AGO4: variants seen among roughly 807,000 people sequenced by gnomAD.
AGO4 encodes protein argonaute-4.
AGO4 carries 33 observed loss-of-function variants against 104.7 expected under a neutral mutation model. That is an observed-to-expected ratio of 0.32 (90% CI 0.24 to 0.42). The LOEUF is 0.42. AGO4 is among the 10% of genes least tolerant of loss of function. AGO4 has a pLI of 1.00. For synonymous variants in AGO4, 331 were observed against 364.7 expected (o/e 0.91, Z 1.05); for missense variants, 711 against 1,083.4 (o/e 0.66, Z 4.83).
At chr1:35,819,780 A>G (rs1643848490) in intron 2 of AGO4, among the ~76,000 whole-genome samples, 1 of 150,442 alleles carries the variant, frequency 6.6e-6, no homozygotes, top group Non-Finnish European at 1.5e-5. Flanking sequence ...CCCAGGTGAC[A>G]GAGTGAGACT....
chr1:35,843,389 GA>G (rs1237533781), intron 15 of AGO4, among the ~76,000 whole-genome samples: 1 of 151,960 alleles, frequency 6.6e-6, no homozygotes, highest in Non-Finnish European at 1.5e-5. Context: ...TTTGTTTTCT[GA>G]ATCAAGGTTG....
chr1:35,808,431 A>G lies in AGO4; in HGVS notation c.15A>G (p.Gly5=). Residue 5 remains glycine (G), a synonymous_variant, in exon 1 of 18, where the codon GGA becomes GGG. Transcript: ENST00000373210. This position sits in a 1 kb window ranked among gnomAD's most constrained non-coding sequence, Gnocchi z 5.2. ...CCGCCGCCGCCATGGAGGCGCTGGGACCCGGTGAGGAGCGAGCTCGGGTCG... is the reference window on the plus strand; with the variant it reads ...CCGCCGCCGCCATGGAGGCGCTGGGGCCCGGTGAGGAGCGAGCTCGGGTCG... MEAL[G]PGPPASLFQP... 2 of 1,165,136 alleles carry G rather than the reference A, an allele frequency of 1.7e-6. No homozygotes were observed. The highest frequency in any genetic ancestry group is 2.1e-6 in the Non-Finnish European group (2 of 946,292). 72.2% of individuals were successfully genotyped at this position (1,165,136 alleles called of 1,614,324 possible). A position where few individuals can be genotyped will look rare whatever the true frequency, so the allele number is the denominator to read the frequency against.
rs1384558776 is a variant in AGO4, at chr1:35,841,791, G to A, written c.2175+41G>A. The A allele has an allele frequency of 6.5e-7, 1 of 1,527,848 alleles. No individual in the cohort carries two copies. Among genetic ancestry groups the A allele is most frequent in the Non-Finnish European group, 8.9e-7 (1 of 1,121,274 alleles). 94.6% of individuals were successfully genotyped at this position (1,527,848 alleles called of 1,614,324 possible). On this transcript the variant is annotated intron_variant, in intron 15 of 17. Transcript: ENST00000373210. The surrounding 1 kb of genome is among the most constrained non-coding windows in gnomAD (Gnocchi z 4.7). Reference sequence around the variant, plus strand: ...ATAAGCTTTGTTATCTGAGGCTCTGGCAAGAGATGTATATATGCACATATA... The same window carrying A: ...ATAAGCTTTGTTATCTGAGGCTCTGACAAGAGATGTATATATGCACATATA...
At chr1:35,846,528 T>C (rs752041082) in intron 15 of AGO4, among the ~76,000 whole-genome samples, 1 of 150,668 alleles carries the variant, frequency 6.6e-6, no homozygotes, top group African/African-American at 2.4e-5. Context: ...ATCCGGGAGG[T>C]GGAGCTTGCA....
At chr1:35,846,348 A>G (rs1644572135) in intron 15 of AGO4, among the ~76,000 whole-genome samples, 2 of 152,112 alleles carry the variant, frequency 1.3e-5, no homozygotes, top group Non-Finnish European at 2.9e-5. Context: ...CTGTAATCCC[A>G]GCACTTTGGG....
At chr1:35,827,193 C>T (rs1215627793) in intron 7 of AGO4, among the ~76,000 whole-genome samples, 1 of 150,252 alleles carries the variant, frequency 6.7e-6, no homozygotes, top group African/African-American at 2.5e-5. Context: ...AGAGCAAGAC[C>T]CTGTCTCAAA....
At chr1:35,812,495 G>C in intron 1 of AGO4, among the ~76,000 whole-genome samples, 1 of 152,290 alleles carries the variant, frequency 6.6e-6, no homozygotes, top group East Asian at 1.9e-4. Context: ...TTGGATTCTA[G>C]TTAGTATTTA....
intron 3 of AGO4, among the ~76,000 whole-genome samples, chr1:35,824,480 T>G (rs1343342717): frequency 6.6e-6 from 1 of 152,084 alleles, no homozygotes; most frequent in Non-Finnish European, 1.5e-5. Flanking sequence ...TTTATTGTTG[T>G]AAAATAATAT....
At chr1:35,852,850 A>C (rs1460626978) in intron 17 of AGO4, among the ~76,000 whole-genome samples, 1 of 152,232 alleles carries the variant, frequency 6.6e-6, no homozygotes, top group Non-Finnish European at 1.5e-5. Context: ...CTGAAGCCTA[A>C]AGAAATTAGC....
intron 15 of AGO4, among the ~76,000 whole-genome samples, chr1:35,843,955 C>G (rs1644508239): frequency 6.6e-6 from 1 of 152,216 alleles, no homozygotes; most frequent in African/African-American, 2.4e-5. Context: ...CTTCAATTCT[C>G]TAAGCATGCC....
At chr1:35,848,264 G>A (rs1441803821) in intron 15 of AGO4, among the ~76,000 whole-genome samples, 1 of 152,158 alleles carries the variant, frequency 6.6e-6, no homozygotes, top group Non-Finnish European at 1.5e-5. Flanking sequence ...ATTTCATAAT[G>A]TGGATGAGCC....
intron 15 of AGO4, among the ~76,000 whole-genome samples, chr1:35,845,216 A>T (rs1644542645): frequency 1.4e-5 from 1 of 70,400 alleles, no homozygotes; most frequent in Non-Finnish European, 2.9e-5. Flanking sequence ...TTTTTTTGAA[A>T]TGGAGTTTCT....
chr1:35,813,901 C>A (rs755435253), intron 1 of AGO4, among the ~76,000 whole-genome samples: 3 of 151,686 alleles, frequency 2.0e-5, no homozygotes, highest in Non-Finnish European at 4.4e-5. Context: ...TAGTGAAACC[C>A]CGTCTCTACT....
intron 7 of AGO4, among the ~76,000 whole-genome samples, chr1:35,828,686 AT>A (rs1370625092): frequency 6.6e-6 from 1 of 151,874 alleles, no homozygotes; most frequent in Non-Finnish European, 1.5e-5. Context: ...TGCCCAGCTA[AT>A]TTTTTGTATT....
In AGO4 at chr1:35,841,202, G is replaced by T. The variant is rs757426926; in HGVS notation, c.1762G>T (p.Ala588Ser). 4.3e-6 allele frequency: 7 copies of T among 1,612,784 alleles called. No homozygotes were observed. In the Admixed American group the frequency reaches 1.2e-4, roughly 27 times the overall value. Residue 588 changes from alanine (A) to serine (S), a missense_variant, in exon 14 of 18, where the codon GCG (alanine) becomes TCG (serine). Physicochemically the swap from Ala to Ser is moderately conservative, Grantham distance 99. Coordinates refer to ENST00000373210, the MANE Select transcript of AGO4 (RefSeq NM_017629.4). The surrounding 1 kb of genome is among the most constrained non-coding windows in gnomAD (Gnocchi z 4.7). ...CCAGCAGCCTGTCATCTTCCTGGGA[G>T]CGGATGTCACACACCCCCCAGCAGG... ...VFQQPVIFLGADVTHPPAGDG... is the reference protein window; with the variant it reads ...VFQQPVIFLGSDVTHPPAGDG...
intron 7 of AGO4, among the ~76,000 whole-genome samples, chr1:35,831,097 C>T (rs1644172920): frequency 1.3e-5 from 2 of 151,854 alleles, no homozygotes; most frequent in South Asian, 4.2e-4. Flanking sequence ...CACAGTGGCT[C>T]ACGCCTGTAA....
intron 12 of AGO4, among the ~76,000 whole-genome samples, chr1:35,834,802 T>C (rs1053131450): frequency 5.9e-5 from 9 of 151,956 alleles, no homozygotes; most frequent in Admixed American, 4.6e-4. Flanking sequence ...CTCAAGTGAT[T>C]CTCCCGTCTC....
chr1:35,838,583 AG>A (rs1644368447), intron 13 of AGO4, among the ~76,000 whole-genome samples: 1 of 152,058 alleles, frequency 6.6e-6, no homozygotes, highest in African/African-American at 2.4e-5. Flanking sequence ...CTCCCTTCAT[AG>A]GTTTTTTTTG....
At chr1:35,809,600 A>G (rs1354213013) in intron 1 of AGO4, among the ~76,000 whole-genome samples, 1 of 152,164 alleles carries the variant, frequency 6.6e-6, no homozygotes. Flanking sequence ...GGCTTGCCGC[A>G]TTAATATTGT....
Sources: gnomAD v4.1 joint callset for allele counts (sites outside exome capture counted in the v4.1 genomes callset) on GRCh38, gnomAD v4.1.1 for gene constraint, Gnocchi (gnomAD v3.1) non-coding constraint, MANE v1.5 for transcripts, NCBI Gene and HGNC (gene_info 2026-07-23, HGNC 2026-07-21) for gene names.